Variants in TMEM30A observed in about 807,000 individuals in gnomAD.
The protein encoded by TMEM30A is cell cycle control protein 50A.
A neutral mutation model predicts 38.2 loss-of-function variants in TMEM30A; 24 were observed. The ratio of observed to expected loss-of-function variants is 0.63; its 90% CI spans 0.46 to 0.88. TMEM30A has a LOEUF of 0.88. Among genes scored for constraint, TMEM30A ranks in the 40% least tolerant of loss-of-function variants. TMEM30A has a pLI of 0.00. For missense variants in TMEM30A, 370 were observed against 458.6 expected (o/e 0.81, Z 1.77); for synonymous variants, 145 against 161.6 (o/e 0.90, Z 0.78).
At chr6:75,271,493 A>G (rs146850473) in intron 1 of TMEM30A, among the ~76,000 whole-genome samples, 20 of 152,308 alleles carry the variant, frequency 1.3e-4, no homozygotes, top group African/African-American at 4.6e-4. Context: ...CTATTTAAAA[A>G]AATCATTATC....
intron 1 of TMEM30A, among the ~76,000 whole-genome samples, chr6:75,275,907 G>C (rs1371827045): frequency 6.6e-6 from 1 of 152,136 alleles, no homozygotes; most frequent in Non-Finnish European, 1.5e-5. Flanking sequence ...CCCCTAAATA[G>C]CTTCAGGATG....
At chr6:75,256,324 T>C (rs765558476) in intron 6 of TMEM30A, 29 bp from the exon 7 acceptor site, 1 of 1,558,212 alleles carries the variant, frequency 6.4e-7, no homozygotes, top group South Asian at 1.2e-5. Flanking sequence ...GATTTTTCCA[T>C]CTCTGGTTAC....
chr6:75,258,160 C>T (rs139257972), intron 6 of TMEM30A, among the ~76,000 whole-genome samples: 13 of 152,130 alleles, frequency 8.5e-5, no homozygotes, highest in South Asian at 8.3e-4. Context: ...CTTAAGTGCT[C>T]GATATTCCTG....
chr6:75,263,780 A>G (rs1203024256), intron 3 of TMEM30A, among the ~76,000 whole-genome samples: 1 of 152,234 alleles, frequency 6.6e-6, no homozygotes, highest in Non-Finnish European at 1.5e-5. Context: ...CTTACACATA[A>G]TATCTGACCC....
At chr6:75,274,594 G>A (rs564605551) in intron 1 of TMEM30A, among the ~76,000 whole-genome samples, 1 of 152,304 alleles carries the variant, frequency 6.6e-6, no homozygotes, top group South Asian at 2.1e-4. Flanking sequence ...AGAATCTACA[G>A]AACTTAGTGC....
intron 1 of TMEM30A, among the ~76,000 whole-genome samples, chr6:75,271,260 C>T (rs1283465521): frequency 6.6e-6 from 1 of 151,858 alleles, no homozygotes; most frequent in African/African-American, 2.4e-5. Context: ...CTTTTTTTAA[C>T]TGAACAAAAA....
intron 2 of TMEM30A, 122 bp downstream of exon 2, chr6:75,267,519 T>C (rs1772089473): frequency 3.3e-6 from 2 of 601,148 alleles, no homozygotes; most frequent in African/African-American, 3.8e-5. Flanking sequence ...CAAAAGCCTA[T>C]AAACTCCAGT....
rs1317994769 is a variant in TMEM30A at position 75,253,336 on chromosome 6, C to G, written c.*2766G>C. The G allele has an allele frequency of 6.6e-6, 1 of 152,174 alleles. No homozygotes were observed. Among genetic ancestry groups the G allele is most frequent in the Non-Finnish European group, 1.5e-5 (1 of 68,008 alleles). The allele number at this position is 152,174 out of a possible 1,614,324, so 9.4% of individuals were successfully genotyped here. ...TCCATCATGCTTACCTCTCTGTTTACTGGACATTCCCCTTGATCTAATACC... is the reference window on the plus strand; with the variant it reads ...TCCATCATGCTTACCTCTCTGTTTAGTGGACATTCCCCTTGATCTAATACC... On this transcript the variant is annotated 3_prime_UTR_variant, in exon 7 of 7. Coordinates refer to ENST00000230461, the MANE Select transcript of TMEM30A (RefSeq NM_018247.4).
chr6:75,267,807 CTG>C, intron 1 of TMEM30A, 59 bp from the exon 2 acceptor site: 1 of 1,149,938 alleles, frequency 8.7e-7, no homozygotes, highest in Non-Finnish European at 1.2e-6. Context: ...CTAAAACACT[CTG>C]AAACGACTTG....
chr6:75,261,887 C>T (rs1029824491), intron 3 of TMEM30A, among the ~76,000 whole-genome samples: 2 of 152,132 alleles, frequency 1.3e-5, no homozygotes, highest in Non-Finnish European at 2.9e-5. Flanking sequence ...TTTTTGGTCC[C>T]TACACCATCT....
At chr6:75,258,142 C>A (rs1183352562) in intron 6 of TMEM30A, among the ~76,000 whole-genome samples, 3 of 152,086 alleles carry the variant, frequency 2.0e-5, no homozygotes, top group Non-Finnish European at 2.9e-5. Context: ...GTAAAGTCAG[C>A]TAAGTTACTT....
At chr6:75,259,597 G>T in intron 4 of TMEM30A, 107 bp from the exon 5 acceptor site, 1 of 983,218 alleles carries the variant, frequency 1.0e-6, no homozygotes, top group Non-Finnish European at 1.4e-6. Context: ...AAAAGTGGTT[G>T]TGACAGAGTA....
At position 75,271,784 on chromosome 6, in the gene TMEM30A, TAGTC is replaced by T. The variant is rs376043591; in HGVS notation, c.238-4040_238-4037del. On this transcript the variant is annotated intron_variant, in intron 1 of 6. Coordinates refer to ENST00000230461, the MANE Select transcript of TMEM30A (RefSeq NM_018247.4). ...TACTAAACCATTTTTTCCCCCAAAA[TAGTC>T]AGTCCCCTTTGCCCTCTAGCAGACT... 7.8e-3 allele frequency among the ~76,000 whole-genome samples: 1,193 copies of T among 152,284 alleles called. 15 individuals are homozygous for T. Among genetic ancestry groups the T allele is most frequent in the African/African-American group, 0.027 (1,141 of 41,560 alleles).
chr6:75,269,354 T>C lies in TMEM30A; in HGVS notation c.238-1606A>G, dbSNP rs555399302. ...AGGACTGATCTTTTTACTGTCCTCA[T>C]AGTTTTGTACTTTCCAGAATGTTAT... On this transcript the variant is annotated intron_variant, in intron 1 of 6. Coordinates refer to ENST00000230461, the MANE Select transcript of TMEM30A (RefSeq NM_018247.4). Among the ~76,000 whole-genome samples, 7 of 152,356 alleles carry C rather than the reference T, an allele frequency of 4.6e-5. No homozygotes were observed. The East Asian group carries it at 7.7e-4, about 17-fold the overall frequency.
chr6:75,273,563 G>A (rs894298784), intron 1 of TMEM30A, among the ~76,000 whole-genome samples: 6 of 151,854 alleles, frequency 4.0e-5, no homozygotes, highest in Admixed American at 1.3e-4. Flanking sequence ...GAAAGCTGCC[G>A]AGTAGATGTT....
intron 6 of TMEM30A, among the ~76,000 whole-genome samples, chr6:75,258,327 A>T (rs1431655692): frequency 6.6e-6 from 1 of 152,166 alleles, no homozygotes; most frequent in African/African-American, 2.4e-5. Flanking sequence ...CTAATAATAA[A>T]ATGTTTTGAT....
At position 75,284,393 on chromosome 6, in the gene TMEM30A, T is replaced by C. The variant is rs898092989; in HGVS notation, c.237+9A>G. ...AACGCCAACTCCCACCACAGCTCCC[T>C]CCCCTCACCTCGATCTCGCGGATGT... On this transcript the variant is annotated intron_variant, in intron 1 of 6. Transcript: ENST00000230461. 1.2e-6 allele frequency: 2 copies of C among 1,613,034 alleles called. No individual in the cohort carries two copies. The highest frequency in any genetic ancestry group is 1.7e-6 in the Non-Finnish European group (2 of 1,179,214).
intron 3 of TMEM30A, among the ~76,000 whole-genome samples, chr6:75,262,681 AC>A (rs1771991475): frequency 1.3e-5 from 2 of 152,170 alleles, no homozygotes; most frequent in Non-Finnish European, 2.9e-5. Context: ...ACAAAAAAAA[AC>A]AAAGCTATTT....
At chr6:75,284,025 A>C (rs2149526183) in intron 1 of TMEM30A, among the ~76,000 whole-genome samples, 1 of 151,820 alleles carries the variant, frequency 6.6e-6, no homozygotes, top group Non-Finnish European at 1.5e-5. Flanking sequence ...CCTAGTTACA[A>C]TTGCCCCCCG....
Sources: allele counts gnomAD v4.1 joint callset (sites outside exome capture counted in the v4.1 genomes callset), GRCh38; gene constraint gnomAD v4.1.1; transcripts MANE v1.5; gene names NCBI Gene and HGNC (gene_info 2026-07-23, HGNC 2026-07-21).